Variants in KCND2 observed in about 807,000 individuals in gnomAD.
The protein encoded by KCND2 is potassium voltage-gated channel subfamily D member 2.
KCND2 carries 16 observed loss-of-function variants against 54.4 expected under a neutral mutation model. The observed-to-expected ratio is 0.29, with a 90% CI of 0.20 to 0.45. The LOEUF is 0.45. Among genes scored for constraint, KCND2 ranks in the 20% least tolerant of loss-of-function variants. The pLI is 1.00. For missense variants in KCND2, 486 were observed against 824.2 expected (o/e 0.59, Z 5.02); for synonymous variants, 317 against 310.7 (o/e 1.02, Z -0.21).
chr7:120,466,338 A>G (rs1802368000), intron 1 of KCND2, among the ~76,000 whole-genome samples: 1 of 152,146 alleles, frequency 6.6e-6, no homozygotes, highest in Admixed American at 6.5e-5. Context: ...AACCTAGGAA[A>G]AGATAGAGAG....
intron 1 of KCND2, among the ~76,000 whole-genome samples, chr7:120,650,916 G>T (rs534591479): frequency 1.4e-5 from 2 of 143,666 alleles, no homozygotes; most frequent in East Asian, 3.9e-4. Flanking sequence ...AGCAGCAGAG[G>T]CTGCAGAACA....
intron 1 of KCND2, among the ~76,000 whole-genome samples, chr7:120,686,623 T>C (rs1254275430): frequency 6.6e-6 from 1 of 152,068 alleles, no homozygotes; most frequent in Admixed American, 6.6e-5. Context: ...ACTTGAGAGA[T>C]TCGAGTGCAT....
chr7:120,745,733 A>T, intron 4 of KCND2, 47 bp from the exon 5 acceptor site: 2 of 1,608,970 alleles, frequency 1.2e-6, no homozygotes, highest in East Asian at 2.2e-5. Flanking sequence ...TTTCGTTTTT[A>T]AAAATGTGCT....
At chr7:120,301,139 A>G (rs1325749016) in intron 1 of KCND2, among the ~76,000 whole-genome samples, 1 of 152,142 alleles carries the variant, frequency 6.6e-6, no homozygotes, top group South Asian at 2.1e-4. Flanking sequence ...TAAAATGTCT[A>G]TAATATTACC....
Position 120,743,826 on chromosome 7 carries a change from C to G in KCND2, c.1467+1224C>G, listed in dbSNP as rs575640106. 3.3e-5 allele frequency among the ~76,000 whole-genome samples: 5 copies of G among 152,258 alleles called. No individual in the cohort carries two copies. In the East Asian group the frequency reaches 9.6e-4, roughly 29 times the overall value. Reference sequence around the variant, plus strand: ...ATGTTAGGCTTTGCAGCCATGTGGACAATTTTGATCTTTAGTTCATGGAAA... The same window carrying G: ...ATGTTAGGCTTTGCAGCCATGTGGAGAATTTTGATCTTTAGTTCATGGAAA... On this transcript the variant is annotated intron_variant, in intron 4 of 5. Transcript: ENST00000331113.
At chr7:120,347,537 C>A (rs1216221503) in intron 1 of KCND2, among the ~76,000 whole-genome samples, 2 of 151,928 alleles carry the variant, frequency 1.3e-5, no homozygotes, top group Admixed American at 6.6e-5. Context: ...GCGGGTGGAT[C>A]ACCTGAGGTT....
chr7:120,447,366 GAAAAAAAAAAGA>G (rs1391843753), intron 1 of KCND2, among the ~76,000 whole-genome samples: 1 of 137,730 alleles, frequency 7.3e-6, no homozygotes, highest in Non-Finnish European at 1.6e-5. Context: ...AAAAAAAAAA[GAAAAAAAAAAGA>G]AAAAGAAAAA....
chr7:120,589,861 G>T (rs1268916184), intron 1 of KCND2, among the ~76,000 whole-genome samples: 1 of 152,024 alleles, frequency 6.6e-6, no homozygotes, highest in Non-Finnish European at 1.5e-5. Flanking sequence ...ATGTTGAGAG[G>T]GAACCTGAGT....
chr7:120,514,098 A>G (rs702415), intron 1 of KCND2, among the ~76,000 whole-genome samples: 36,799 of 152,006 alleles, frequency 0.24, 7,761 homozygotes, highest in African/African-American at 0.56. Flanking sequence ...CAATTGATAT[A>G]CTGATTTATT....
At chr7:120,544,895 A>C (rs774564349) in intron 1 of KCND2, among the ~76,000 whole-genome samples, 1 of 151,952 alleles carries the variant, frequency 6.6e-6, no homozygotes, top group African/African-American at 2.4e-5. Flanking sequence ...AAGACTGCTG[A>C]GAATTCCCTT....
intron 1 of KCND2, among the ~76,000 whole-genome samples, chr7:120,598,100 A>G (rs1169806113): frequency 1.3e-5 from 2 of 152,070 alleles, no homozygotes; most frequent in African/African-American, 4.8e-5. Context: ...CTAAAGAAAA[A>G]CTAAAAAGAA....
intron 1 of KCND2, among the ~76,000 whole-genome samples, chr7:120,448,367 T>C (rs1802050017): frequency 1.3e-5 from 2 of 152,218 alleles, no homozygotes; most frequent in African/African-American, 4.8e-5. Flanking sequence ...ACTCATCCTT[T>C]TTTATGGCTG....
chr7:120,276,627 T>TG (rs1799179246), intron 1 of KCND2, among the ~76,000 whole-genome samples: 1 of 152,112 alleles, frequency 6.6e-6, no homozygotes, highest in Admixed American at 6.5e-5. Context: ...AATTCTTTTT[T>TG]GGGGGTATAA....
At chr7:120,421,552 T>C (rs1801623347) in intron 1 of KCND2, among the ~76,000 whole-genome samples, 5 of 152,220 alleles carry the variant, frequency 3.3e-5, no homozygotes, top group Admixed American at 3.3e-4. Flanking sequence ...TTCCGTGCTG[T>C]TGGATCACAC....
intron 1 of KCND2, among the ~76,000 whole-genome samples, chr7:120,688,438 T>G (rs1227717966): frequency 1.3e-5 from 2 of 152,132 alleles, no homozygotes; most frequent in African/African-American, 4.8e-5. Flanking sequence ...GTAAGAATCC[T>G]TCTTAGTTTT....
intron 1 of KCND2, among the ~76,000 whole-genome samples, chr7:120,296,435 A>G (rs1165458223): frequency 6.6e-6 from 1 of 152,110 alleles, no homozygotes; most frequent in Non-Finnish European, 1.5e-5. Context: ...TGAATTTTCT[A>G]TTTCAATTAA....
intron 1 of KCND2, among the ~76,000 whole-genome samples, chr7:120,675,208 T>G (rs1792044860): frequency 1.3e-5 from 2 of 152,044 alleles, no homozygotes; most frequent in African/African-American, 2.4e-5. Context: ...TTTATCATTC[T>G]TTATTGAGTT....
intron 1 of KCND2, among the ~76,000 whole-genome samples, chr7:120,714,630 A>G (rs1050632545): frequency 6.6e-6 from 1 of 152,120 alleles, no homozygotes; most frequent in Non-Finnish European, 1.5e-5. Context: ...CCCTGGGGTG[A>G]CAATGGCATA....
intron 1 of KCND2, among the ~76,000 whole-genome samples, chr7:120,604,774 AT>A (rs950875898): frequency 1.7e-4 from 25 of 149,792 alleles, no homozygotes; most frequent in African/African-American, 6.0e-4. Flanking sequence ...AACAAGAAAA[AT>A]TTTTTTATGG....
Sources: gnomAD v4.1 joint callset for allele counts (sites outside exome capture counted in the v4.1 genomes callset) on GRCh38, gnomAD v4.1.1 for gene constraint, MANE v1.5 for transcripts, NCBI Gene and HGNC (gene_info 2026-07-23, HGNC 2026-07-21) for gene names.